Variants in NOL6 observed in about 807,000 individuals in gnomAD.
NOL6 encodes nucleolar protein 6, also known as nucleolar RNA-associated protein.
In NOL6, 33 loss-of-function variants were observed where a neutral mutation model predicts 131.7. The ratio of observed to expected loss-of-function variants is 0.25; its 90% CI spans 0.19 to 0.33. The LOEUF (loss-of-function observed/expected upper bound fraction) is 0.33. Ranked by LOEUF, NOL6 falls within the 10% of genes least tolerant of loss-of-function variation. The pLI is 1.00. For missense variants in NOL6, 1,297 were observed against 1,494.5 expected, an observed-to-expected ratio of 0.87 and a Z score of 2.18; for synonymous variants, 580 against 605.7, an observed-to-expected ratio of 0.96 and a Z score of 0.62.
chr9:33,462,186 A>C lies in NOL6; in HGVS notation c.*478T>G. ...GCTCAGTGTCGGTGATGTGACTCAGAAGGGCCACATTTTCGCTGGGTCCCA... is the reference window on the plus strand; with the variant it reads ...GCTCAGTGTCGGTGATGTGACTCAGCAGGGCCACATTTTCGCTGGGTCCCA... On this transcript the variant is annotated 3_prime_UTR_variant, in exon 26 of 26. Transcript: ENST00000297990. 2 of 717,506 alleles carry C rather than the reference A, an allele frequency of 2.8e-6. No individual in the cohort carries two copies. The highest frequency in any genetic ancestry group is 5.2e-6 in the Non-Finnish European group (2 of 385,104). 44.4% of individuals were successfully genotyped at this position (717,506 alleles called of 1,614,324 possible). A position where few individuals can be genotyped will look rare whatever the true frequency, so the allele number is the denominator to read the frequency against.
At position 33,466,925 on chromosome 9, in the gene NOL6, T is replaced by C. The variant is rs777534642; in HGVS notation, c.1937A>G (p.Gln646Arg). 9 of 1,614,068 alleles carry C rather than the reference T, an allele frequency of 5.6e-6. No homozygotes were observed. Among genetic ancestry groups the C allele is most frequent in the South Asian group, 2.2e-5 (2 of 91,048 alleles). ...YVGGPLDALI[Q>R]GLKETSSTGE... ...CAAGACCCTTACCTCTTTCAGGCCT[T>C]GGATAAGTGCATCCAGGGGGCCCCC... The change falls in exon 15 of 26, where the codon CAA becomes CGA. Residue 646 changes from glutamine (Q) to arginine (R), a missense_variant. Transcript: ENST00000297990.
chr9:33,462,406 T>A lies in NOL6; in HGVS notation c.*258A>T. On this transcript the variant is annotated 3_prime_UTR_variant, in exon 26 of 26. Coordinates refer to ENST00000297990, the MANE Select transcript of NOL6 (RefSeq NM_022917.5). ...GGATGGATCTCCTGGGTTCAGTTCC[T>A]TCTCTGAGCTGGCTCCCACTCCTCT... is the stretch of plus-strand genomic sequence containing the variant. 1.6e-6 allele frequency: 1 copy of A among 616,838 alleles called. No individual in the cohort carries two copies. Among genetic ancestry groups the A allele is most frequent in the Non-Finnish European group, 2.9e-6 (1 of 344,372 alleles). 38.2% of individuals were successfully genotyped at this position (616,838 alleles called of 1,614,324 possible). A position where few individuals can be genotyped will look rare whatever the true frequency, so the allele number is the denominator to read the frequency against.
rs373525588 is a variant in NOL6, at chr9:33,472,433, G to A, written c.55-21C>T. 1.8e-4 allele frequency: 292 copies of A among 1,601,678 alleles called. 1 individual carries two copies. Among genetic ancestry groups the A allele is most frequent in the Admixed American group, 2.4e-4 (14 of 58,592 alleles). On this transcript the variant is annotated intron_variant, in intron 1 of 25. Coordinates refer to ENST00000297990, the MANE Select transcript of NOL6 (RefSeq NM_022917.5). ...ATCACCTGTGGCCAGTGAGGGAGAA[G>A]CCATTTTGAGGTAATAGGTATCTAG...
Position 33,467,627 on chromosome 9 carries a change from T to G in NOL6, c.1602+64A>C. ...AGCTGGAGGAATGGTGTGTCCTTTG[T>G]GTCTCTTGGGACCCTGGATCCAGCC... On this transcript the variant is annotated intron_variant, in intron 12 of 25. Coordinates refer to ENST00000297990, the MANE Select transcript of NOL6 (RefSeq NM_022917.5). The surrounding 1 kb of genome is among the most constrained non-coding windows in gnomAD (Gnocchi z 4.4). 2 of 1,558,312 alleles carry G rather than the reference T, an allele frequency of 1.3e-6. No individual in the cohort carries two copies. Among genetic ancestry groups the G allele is most frequent in the South Asian group, 2.4e-5 (2 of 81,908 alleles).
At chr9:33,463,981 C>T in intron 22 of NOL6, 56 bp downstream of exon 22, 1 of 1,612,988 alleles carries the variant, frequency 6.2e-7, no homozygotes, top group Non-Finnish European at 8.5e-7. Flanking sequence ...TCAGGCTGGG[C>T]CTGCTTTTTC....
chr9:33,464,837 G>A (rs1337088251), intron 21 of NOL6, 42 bp downstream of exon 21: 3 of 1,420,788 alleles, frequency 2.1e-6, no homozygotes, highest in Non-Finnish European at 3.0e-6. Context: ...AATCCATAAA[G>A]AGCTGTTCTT....
rs1322755314 is a variant in NOL6 at position 33,470,195 on chromosome 9, T to C, written c.379-4A>G. ...GGAGCCATGCCTGGTCAGTGAGCTG[T>C]GGGGGCAGAGACAGGGACACATACT... On this transcript the variant is annotated splice_polypyrimidine_tract_variant and splice_region_variant and intron_variant, in intron 3 of 25. Transcript: ENST00000297990. 6.4e-7 allele frequency: 1 copy of C among 1,568,826 alleles called. No individual in the cohort carries two copies. Among genetic ancestry groups the C allele is most frequent in the South Asian group, 1.2e-5 (1 of 85,372 alleles).
At chr9:33,469,450 C>T in intron 5 of NOL6, 49 bp downstream of exon 5, 1 of 1,592,332 alleles carries the variant, frequency 6.3e-7, no homozygotes, top group Non-Finnish European at 8.6e-7. Context: ...CCTTCTCCTC[C>T]AGATTTACCA....
chr9:33,465,508 TTATTTC>T, intron 19 of NOL6, 149 bp from the exon 20 acceptor site: 1 of 1,129,218 alleles, frequency 8.9e-7, no homozygotes, highest in Non-Finnish European at 1.2e-6. Flanking sequence ...GACCCTAGTG[TTATTTC>T]CATTTTACAG....
Position 33,468,350 on chromosome 9 carries a change from C to T in NOL6, c.1279G>A (p.Ala427Thr). 6.2e-7 allele frequency: 1 copy of T among 1,614,036 alleles called. No individual in the cohort carries two copies. Among genetic ancestry groups the T allele is most frequent in the Non-Finnish European group, 8.5e-7 (1 of 1,179,972 alleles). The change falls in exon 10 of 26, where the codon GCT becomes ACT. Residue 427 changes from alanine to threonine, a missense_variant. Coordinates refer to ENST00000297990, the MANE Select transcript of NOL6 (RefSeq NM_022917.5). ...TGGTAAGTAGAGGCAGTGACATCAG[C>T]ACAGAGGTTGAGATGGCCTGAGGAA... is the stretch of plus-strand genomic sequence containing the variant. Reference protein sequence around the residue: ...LDSSGHLNLCADVTASTYHQV... With the variant: ...LDSSGHLNLCTDVTASTYHQV...
intron 8 of NOL6, 59 bp downstream of exon 8, chr9:33,468,693 G>A (rs896967955): frequency 2.5e-6 from 4 of 1,612,260 alleles, no homozygotes; most frequent in African/African-American, 2.7e-5. Context: ...CTGCTACTGG[G>A]ATGAGAGGAT....
chr9:33,467,562 C>G lies in NOL6; in HGVS notation c.1603-46G>C. The G allele has an allele frequency of 6.2e-7, 1 of 1,607,580 alleles. No homozygotes were observed. Among genetic ancestry groups the G allele is most frequent in the South Asian group, 1.1e-5 (1 of 90,686 alleles). On this transcript the variant is annotated intron_variant, in intron 12 of 25. Transcript: ENST00000297990. The surrounding 1 kb of genome is among the most constrained non-coding windows in gnomAD (Gnocchi z 4.4). ...GAGCTCAGTCCTCCAATCCTCCAGC[C>G]TGGCCTAGAAACCTACTTTCTAGCT...
In NOL6 at chr9:33,464,019, G is replaced by A; in HGVS notation, c.2904+18C>T. ...TGGGAAGAAAACCACACATTAGGGGGCAGGTATGGGGTTGAACCTGGGCTG... is the reference window on the plus strand; with the variant it reads ...TGGGAAGAAAACCACACATTAGGGGACAGGTATGGGGTTGAACCTGGGCTG... On this transcript the variant is annotated intron_variant, in intron 22 of 25. Transcript: ENST00000297990. The A allele has an allele frequency of 6.2e-7, 1 of 1,612,798 alleles. No individual in the cohort carries two copies. Among genetic ancestry groups the A allele is most frequent in the African/African-American group, 1.3e-5 (1 of 75,008 alleles).
intron 16 of NOL6, 41 bp downstream of exon 16, chr9:33,466,528 G>A: frequency 6.2e-7 from 1 of 1,612,626 alleles, no homozygotes; most frequent in South Asian, 1.1e-5. Context: ...GCAGAGGTGG[G>A]GCCACTAAGC....
rs924145163 is a variant in NOL6 at position 33,468,142 on chromosome 9, G to T, written c.1312C>A (p.Gln438Lys). 2 of 1,614,064 alleles carry T rather than the reference G, an allele frequency of 1.2e-6. No homozygotes were observed. Among genetic ancestry groups the T allele is most frequent in the African/African-American group, 2.7e-5 (2 of 74,928 alleles). ...ATCATAGACAGCCGTGCCTCATGCT[G>T]TACCTGGAGCCACAGAAGGGACCAT... ...DVTASTYHQV[Q>K]HEARLSMMLL... The change falls in exon 11 of 26, where the codon CAG becomes AAG. Residue 438 changes from glutamine (Q) to lysine (K), a missense_variant. By Grantham distance (53) the Gln-to-Lys change is moderately conservative (BLOSUM62 1). Transcript: ENST00000297990.
At chr9:33,470,215 C>T (rs1827372017) in intron 3 of NOL6, 24 bp from the exon 4 acceptor site, 1 of 1,512,920 alleles carries the variant, frequency 6.6e-7, no homozygotes, top group Admixed American at 2.1e-5. Context: ...GACAGGGACA[C>T]ATACTGATTC....
In NOL6 at chr9:33,465,215, G is replaced by A. The variant is rs1305662957; in HGVS notation, c.2673C>T (p.Thr891=). ...AAAGTGGAGGGAATCACCTCGGAGGGGTGAAGGGCTCAGGGTGCAGGAAAA... is the reference window on the plus strand; with the variant it reads ...AAAGTGGAGGGAATCACCTCGGAGGAGTGAAGGGCTCAGGGTGCAGGAAAA... ...AALFLHPEPF[T]PPSSPQVGFL... is the part of the protein sequence containing the mutation. The change falls in exon 20 of 26, where the codon ACC becomes ACT. Residue 891 remains threonine, a synonymous_variant. Coordinates refer to ENST00000297990, the MANE Select transcript of NOL6 (RefSeq NM_022917.5). 1.3e-6 allele frequency: 2 copies of A among 1,593,682 alleles called. No individual in the cohort carries two copies. The highest frequency in any genetic ancestry group is 1.8e-5 in the Admixed American group (1 of 57,052).
chr9:33,469,226 C>A lies in NOL6; in HGVS notation c.843G>T (p.Gly281=), dbSNP rs1827340076. The part of the protein sequence containing the change: ...KNNVRSAWYR[G]QSPAGDGSPE... ...GCTCACCATCCCCTGCAGGACTCTGCCCTCGGTACCAGGCAGAGCGCACAT... is the reference window on the plus strand; with the variant it reads ...GCTCACCATCCCCTGCAGGACTCTGACCTCGGTACCAGGCAGAGCGCACAT... The change falls in exon 6 of 26, where the codon GGG becomes GGT. Residue 281 remains glycine, a synonymous_variant. Transcript: ENST00000297990. The A allele has an allele frequency of 6.2e-7, 1 of 1,614,112 alleles. No individual in the cohort carries two copies. Among genetic ancestry groups the A allele is most frequent in the Admixed American group, 1.7e-5 (1 of 60,010 alleles).
chr9:33,468,621 A>G (rs1827317322), intron 8 of NOL6, 55 bp from the exon 9 acceptor site: 1 of 1,608,622 alleles, frequency 6.2e-7, no homozygotes, highest in Non-Finnish European at 8.5e-7. Context: ...ACCCAGCCCT[A>G]ATGACACCCT....
Sources: allele counts gnomAD v4.1 joint callset, GRCh38; gene constraint gnomAD v4.1.1; non-coding constraint Gnocchi (gnomAD v3.1); transcripts MANE v1.5; gene names NCBI Gene and HGNC (gene_info 2026-07-23, HGNC 2026-07-21).